The following CACNA2D1 variants were observed in gnomAD, a reference collection of about 807,000 sequenced individuals.
CACNA2D1 encodes the protein calcium voltage-gated channel auxiliary subunit alpha2delta 1, also known as voltage-dependent calcium channel subunit alpha-2/delta-1.
A neutral mutation model predicts 171.5 loss-of-function variants in CACNA2D1; 53 were observed. The observed-to-expected ratio is 0.31, with a 90% CI of 0.25 to 0.39. The LOEUF (loss-of-function observed/expected upper bound fraction) is 0.39, where lower values mean the gene tolerates loss of function less well. Among genes scored for constraint, CACNA2D1 ranks in the 10% least tolerant of loss-of-function variants. CACNA2D1 has a pLI of 1.00. For missense variants in CACNA2D1, 903 were observed against 1,299.8 expected (o/e 0.69, Z 4.69); for synonymous variants, 442 against 443.1 (o/e 1.00, Z 0.03).
chr7:82,184,264 C>A (rs1797446425), intron 3 of CACNA2D1, among the ~76,000 whole-genome samples: 1 of 144,632 alleles, frequency 6.9e-6, no homozygotes, highest in South Asian at 2.2e-4. Context: ...ACTTTGTAAT[C>A]TTTCCTCCTA....
intron 2 of CACNA2D1, among the ~76,000 whole-genome samples, chr7:82,338,309 G>A (rs372826170): frequency 7.2e-5 from 11 of 151,798 alleles, no homozygotes; most frequent in East Asian, 3.9e-4. Context: ...TTTAGAGGAC[G>A]TAAAAATTTT....
chr7:82,346,738 T>C (rs1819306279), intron 2 of CACNA2D1, among the ~76,000 whole-genome samples: 2 of 152,168 alleles, frequency 1.3e-5, no homozygotes, highest in Admixed American at 1.3e-4. Flanking sequence ...TAGATCATTG[T>C]TAGTGGCAGA....
At chr7:82,048,286 A>G (rs191895692) in intron 10 of CACNA2D1, among the ~76,000 whole-genome samples, 2 of 152,186 alleles carry the variant, frequency 1.3e-5, no homozygotes, top group African/African-American at 4.8e-5. Context: ...GGTAAAGAAG[A>G]TACCTATCAA....
rs1271553030 is a variant in CACNA2D1 at position 81,948,237 on chromosome 7, C to G, written c.*2155G>C. On this transcript the variant is annotated 3_prime_UTR_variant, in exon 39 of 39. Transcript: ENST00000356860. ...TTAAGATAGTCTAGCAAAAATTGAACAATAACTTTTAAATATTTAACAAAC... is the reference window on the plus strand; with the variant it reads ...TTAAGATAGTCTAGCAAAAATTGAAGAATAACTTTTAAATATTTAACAAAC... 6.6e-6 allele frequency: 1 copy of G among 151,766 alleles called. No individual in the cohort carries two copies. Among genetic ancestry groups the G allele is most frequent in the African/African-American group, 2.4e-5 (1 of 41,380 alleles). The allele number at this position is 151,766 out of a possible 1,614,324, so 9.4% of individuals were successfully genotyped here. A position where few individuals can be genotyped will look rare whatever the true frequency, so the allele number is the denominator to read the frequency against.
intron 7 of CACNA2D1, among the ~76,000 whole-genome samples, chr7:82,072,271 A>G (rs1584636189): frequency 6.6e-6 from 1 of 152,046 alleles, no homozygotes; most frequent in East Asian, 1.9e-4. Context: ...TGAGGTGATG[A>G]ATACCCCACT....
chr7:82,401,570 G>A (rs540522864), intron 1 of CACNA2D1, among the ~76,000 whole-genome samples: 4 of 134,044 alleles, frequency 3.0e-5, no homozygotes, highest in African/African-American at 8.2e-5. Context: ...GTGAGGGGAG[G>A]GGGGAGGGAT....
At chr7:82,181,839 G>A (rs926930994) in intron 3 of CACNA2D1, among the ~76,000 whole-genome samples, 2 of 152,142 alleles carry the variant, frequency 1.3e-5, no homozygotes, top group African/African-American at 2.4e-5. Flanking sequence ...TAACTTTAAT[G>A]TGAAAACAGT....
At chr7:81,968,799 C>T (rs1319365953) in intron 29 of CACNA2D1, 88 bp downstream of exon 29, 15 of 794,518 alleles carry the variant, frequency 1.9e-5, no homozygotes, top group Non-Finnish European at 2.9e-5. Flanking sequence ...TTTTGATGAC[C>T]TTCTTGATAA....
intron 3 of CACNA2D1, among the ~76,000 whole-genome samples, chr7:82,327,851 T>C (rs1449016901): frequency 2.6e-5 from 4 of 152,204 alleles, no homozygotes; most frequent in Admixed American, 6.5e-5. Flanking sequence ...ACTTTCCTAG[T>C]TGTTTGGAGG....
chr7:81,951,245 A>G (rs2129947849), intron 38 of CACNA2D1, among the ~76,000 whole-genome samples: 1 of 152,230 alleles, frequency 6.6e-6, no homozygotes, highest in Non-Finnish European at 1.5e-5. Flanking sequence ...TTAATGCAAA[A>G]GTATTATTCA....
chr7:82,236,069 G>A (rs149447694), intron 3 of CACNA2D1, among the ~76,000 whole-genome samples: 18 of 152,188 alleles, frequency 1.2e-4, no homozygotes, highest in African/African-American at 3.9e-4. Flanking sequence ...GAACAGAAAT[G>A]AGTAGGCTAA....
At position 82,218,035 on chromosome 7, in the gene CACNA2D1, T is replaced by G. The variant is rs574625528; in HGVS notation, c.295-47426A>C. 2.0e-5 allele frequency among the ~76,000 whole-genome samples: 3 copies of G among 151,842 alleles called. No homozygotes were observed. The South Asian group carries it at 6.2e-4, about 32-fold the overall frequency. ...CTGCAAGCTCCGCCTCCCGGGTTCA[T>G]GCCATTCTCCTGCCTCAGCCTCCTG... is the stretch of plus-strand genomic sequence containing the variant. On this transcript the variant is annotated intron_variant, in intron 3 of 38. Transcript: ENST00000356860.
chr7:81,957,852 T>C (rs1019970007), intron 38 of CACNA2D1, among the ~76,000 whole-genome samples: 2 of 152,158 alleles, frequency 1.3e-5, no homozygotes, highest in South Asian at 4.1e-4. Context: ...TCATAAGATA[T>C]AGCCTCCTAG....
chr7:82,432,885 C>G (rs965792560), intron 1 of CACNA2D1, among the ~76,000 whole-genome samples: 3 of 152,192 alleles, frequency 2.0e-5, no homozygotes, highest in African/African-American at 7.2e-5. Context: ...GCACCACACA[C>G]TTAAAATCTA....
intron 10 of CACNA2D1, chr7:82,050,728 T>C: frequency 1.5e-6 from 1 of 680,316 alleles, no homozygotes; most frequent in Non-Finnish European, 2.7e-6. Flanking sequence ...TGGAAAAATG[T>C]TGGAAGATGA....
chr7:82,048,972 T>C (rs1804867826), intron 10 of CACNA2D1, among the ~76,000 whole-genome samples: 1 of 152,050 alleles, frequency 6.6e-6, no homozygotes, highest in Non-Finnish European at 1.5e-5. Flanking sequence ...ATTACTTTGC[T>C]GTTTCCTTTT....
intron 1 of CACNA2D1, among the ~76,000 whole-genome samples, chr7:82,388,607 G>T (rs1824708213): frequency 6.6e-6 from 1 of 152,162 alleles, no homozygotes; most frequent in Admixed American, 6.5e-5. Flanking sequence ...GGTTCCAGTT[G>T]CTTCCCCAGA....
chr7:82,008,377 T>G (rs1799364695), intron 15 of CACNA2D1, among the ~76,000 whole-genome samples: 1 of 152,126 alleles, frequency 6.6e-6, no homozygotes, highest in South Asian at 2.1e-4. Flanking sequence ...AGTAAAATTA[T>G]GAAGAAAAGA....
At chr7:82,224,316 A>G (rs1015597660) in intron 3 of CACNA2D1, among the ~76,000 whole-genome samples, 1 of 152,214 alleles carries the variant, frequency 6.6e-6, no homozygotes, top group Non-Finnish European at 1.5e-5. Flanking sequence ...GGCCGGGCGC[A>G]GTGGCTCACG....
Sources: allele counts gnomAD v4.1 joint callset (sites outside exome capture counted in the v4.1 genomes callset), GRCh38; gene constraint gnomAD v4.1.1; transcripts MANE v1.5; gene names NCBI Gene and HGNC (gene_info 2026-07-23, HGNC 2026-07-21).